The following NSUN3 variants were observed in gnomAD, a reference collection of about 807,000 sequenced individuals.
NSUN3 encodes tRNA (cytosine(34)-C(5))-methyltransferase, mitochondrial.
Under a neutral mutation model 36.8 loss-of-function variants are expected in NSUN3, and 24 were observed. That is an observed-to-expected ratio of 0.65 (90% CI 0.47 to 0.92). The LOEUF is 0.92. NSUN3 is among the 40% of genes least tolerant of loss of function. The pLI is 0.00. For synonymous variants in NSUN3, 146 were observed against 145.2 expected, an observed-to-expected ratio of 1.01 and a Z score of -0.04; for missense variants, 381 against 392.8, an observed-to-expected ratio of 0.97 and a Z score of 0.25.
chr3:94,116,407 A>T (rs2077440362), intron 5 of NSUN3, among the ~76,000 whole-genome samples: 1 of 152,176 alleles, frequency 6.6e-6, no homozygotes, highest in Non-Finnish European at 1.5e-5. Flanking sequence ...AGACACGCAG[A>T]TCAAAACATT....
At chr3:94,112,400 A>T (rs531328412) in intron 5 of NSUN3, among the ~76,000 whole-genome samples, 112 of 152,312 alleles carry the variant, frequency 7.4e-4, no homozygotes, top group African/African-American at 2.6e-3. Flanking sequence ...TCCACGTGGT[A>T]CCAAATTCAG....
intron 2 of NSUN3, chr3:94,076,443 C>G (rs1243381554): frequency 1.3e-6 from 1 of 790,350 alleles, no homozygotes; most frequent in African/African-American, 1.7e-5. Flanking sequence ...TGATCAGCAA[C>G]TGACCCAAAC....
chr3:94,066,322 G>A (rs1019635597), intron 2 of NSUN3, among the ~76,000 whole-genome samples: 2 of 152,158 alleles, frequency 1.3e-5, no homozygotes, highest in African/African-American at 2.4e-5. Context: ...CAAAATAAAG[G>A]TTTCTCAGCT....
intron 3 of NSUN3, among the ~76,000 whole-genome samples, chr3:94,091,984 T>A (rs1560034495): frequency 6.6e-6 from 1 of 152,232 alleles, no homozygotes; most frequent in Non-Finnish European, 1.5e-5. Flanking sequence ...CTTCTGCTAA[T>A]GCTACCACTG....
intron 5 of NSUN3, among the ~76,000 whole-genome samples, chr3:94,116,399 A>G (rs914288430): frequency 7.2e-5 from 11 of 152,198 alleles, no homozygotes; most frequent in Non-Finnish European, 1.2e-4. Context: ...TAAAATACAG[A>G]CACGCAGATC....
chr3:94,114,948 C>CT (rs149065865), intron 5 of NSUN3, among the ~76,000 whole-genome samples: 29 of 149,376 alleles, frequency 1.9e-4, no homozygotes, highest in African/African-American at 2.7e-4. Flanking sequence ...TGGTTTCTTT[C>CT]TTTTTTTTTT....
Position 94,084,121 on chromosome 3 carries a change from C to T in NSUN3, c.137C>T (p.Ser46Phe). 1 of 1,612,498 alleles carries T rather than the reference C, an allele frequency of 6.2e-7. No individual in the cohort carries two copies. The highest frequency in any genetic ancestry group is 8.5e-7 in the Non-Finnish European group (1 of 1,178,822). ...AWNTVREILTSPSCWQYAVLL... is the reference protein window; with the variant it reads ...AWNTVREILTFPSCWQYAVLL... Reference sequence around the variant, plus strand: ...TCTATTTCTAGGGAGATACTAACATCTCCATCATGCTGGCAATATGCTGTC... The same window carrying T: ...TCTATTTCTAGGGAGATACTAACATTTCCATCATGCTGGCAATATGCTGTC... The change falls in exon 3 of 6, where the codon TCT becomes TTT. Residue 46 changes from serine (S) to phenylalanine (F), a missense_variant. Physicochemically the swap from Ser to Phe is radical, Grantham distance 155. Coordinates refer to ENST00000314622, the MANE Select transcript of NSUN3 (RefSeq NM_022072.5).
At chr3:94,125,747 A>T (rs562363193) in intron 5 of NSUN3, among the ~76,000 whole-genome samples, 5 of 152,270 alleles carry the variant, frequency 3.3e-5, no homozygotes, top group Admixed American at 3.3e-4. Flanking sequence ...GTCTTCAAGG[A>T]TAAGTTAGAA....
intron 5 of NSUN3, among the ~76,000 whole-genome samples, chr3:94,111,961 A>G (rs181833768): frequency 4.7e-4 from 72 of 152,262 alleles, no homozygotes; most frequent in Non-Finnish European, 5.9e-5. Flanking sequence ...AGAGAGATTT[A>G]AGGAACTGGC....
intron 3 of NSUN3, among the ~76,000 whole-genome samples, chr3:94,092,919 CAAAAAAAAAAAAAAAAA>C (rs1161530879): frequency 8.1e-5 from 2 of 24,638 alleles, no homozygotes; most frequent in Non-Finnish European, 1.4e-4. Flanking sequence ...GACTGCATCT[CAAAAAAAAAAAAAAAAA>C]AAAAAAAAAG....
intron 2 of NSUN3, among the ~76,000 whole-genome samples, chr3:94,080,559 A>G (rs1033349364): frequency 7.9e-5 from 12 of 152,162 alleles, no homozygotes; most frequent in Admixed American, 5.2e-4. Flanking sequence ...GGTTTTATCT[A>G]TAAGTCCCTT....
chr3:94,084,063 G>A, intron 2 of NSUN3, 44 bp from the exon 3 acceptor site: 1 of 1,367,962 alleles, frequency 7.3e-7, no homozygotes, highest in Non-Finnish European at 1.0e-6. Flanking sequence ...GTATTGGTAT[G>A]TATCATATTA....
intron 2 of NSUN3, among the ~76,000 whole-genome samples, chr3:94,072,811 T>TA (rs532174779): frequency 1.4e-3 from 217 of 152,246 alleles, no homozygotes; most frequent in African/African-American, 4.8e-3. Context: ...CTCTTTTTTT[T>TA]TTATTATTAT....
At chr3:94,118,631 A>G (rs1232052967) in intron 5 of NSUN3, among the ~76,000 whole-genome samples, 1 of 152,136 alleles carries the variant, frequency 6.6e-6, no homozygotes, top group Non-Finnish European at 1.5e-5. Flanking sequence ...AATAGAGGAT[A>G]CTATACTATT....
At position 94,127,260 on chromosome 3, in the gene NSUN3, A is replaced by T. The variant is rs1368018144; in HGVS notation, c.*770A>T. The T allele has an allele frequency of 6.6e-6, 1 of 152,234 alleles. No homozygotes were observed. Among genetic ancestry groups the T allele is most frequent in the East Asian group, 1.9e-4 (1 of 5,200 alleles). The allele number at this position is 152,234 out of a possible 1,614,324, so 9.4% of individuals were successfully genotyped here. A position where few individuals can be genotyped will look rare whatever the true frequency, so the allele number is the denominator to read the frequency against. ...AAGTACTTGAGACAAAACCGGAATGATTAATAACTGCAATCACTGAACTAT... is the reference window on the plus strand; with the variant it reads ...AAGTACTTGAGACAAAACCGGAATGTTTAATAACTGCAATCACTGAACTAT... On this transcript the variant is annotated 3_prime_UTR_variant, in exon 6 of 6. Transcript: ENST00000314622.
rs777816623 is a variant in NSUN3 at position 94,126,259 on chromosome 3, A to T, written c.792A>T (p.Thr264=). 2 of 1,614,060 alleles carry T rather than the reference A, an allele frequency of 1.2e-6. No individual in the cohort carries two copies. Among genetic ancestry groups the T allele is most frequent in the African/African-American group, 1.3e-5 (1 of 74,936 alleles). The change falls in exon 6 of 6, where the codon ACA becomes ACT. Residue 264 remains threonine (T), a synonymous_variant. Coordinates refer to ENST00000314622, the MANE Select transcript of NSUN3 (RefSeq NM_022072.5). ...LRPGGILVYS[T]CTLSKAENQD... is the part of the protein sequence containing the mutation. ...CTGGAGGGATACTTGTATACTCTAC[A>T]TGCACGCTTTCCAAGGCAGAAAATC...
chr3:94,087,875 C>T (rs1465697599), intron 3 of NSUN3, among the ~76,000 whole-genome samples: 2 of 152,064 alleles, frequency 1.3e-5, no homozygotes, highest in Non-Finnish European at 2.9e-5. Context: ...CACTATGTTG[C>T]CCAGGCTGGC....
Position 94,084,284 on chromosome 3 carries a change from C to T in NSUN3, c.300C>T (p.Ile100=). 1 of 1,614,088 alleles carries T rather than the reference C, an allele frequency of 6.2e-7. No individual in the cohort carries two copies. Among genetic ancestry groups the T allele is most frequent in the Non-Finnish European group, 8.5e-7 (1 of 1,180,018 alleles). Reference sequence around the variant, plus strand: ...ACCTTAGCAGAACTCCGGGCCGAATCCCTTCAGAAAGACACCAAATTGGAA... The same window carrying T: ...ACCTTAGCAGAACTCCGGGCCGAATTCCTTCAGAAAGACACCAAATTGGAA... ...KCYLSRTPGR[I]PSERHQIGNL... The change falls in exon 3 of 6, where the codon ATC becomes ATT. Residue 100 remains isoleucine (I), a synonymous_variant. Coordinates refer to ENST00000314622, the MANE Select transcript of NSUN3 (RefSeq NM_022072.5).
intron 3 of NSUN3, among the ~76,000 whole-genome samples, chr3:94,091,226 A>G (rs1410822290): frequency 1.3e-5 from 2 of 152,226 alleles, no homozygotes; most frequent in East Asian, 3.9e-4. Context: ...TTTCAAAGGA[A>G]CGATGGACAG....
Sources: allele counts gnomAD v4.1 joint callset (sites outside exome capture counted in the v4.1 genomes callset), GRCh38; gene constraint gnomAD v4.1.1; transcripts MANE v1.5; gene names NCBI Gene and HGNC (gene_info 2026-07-23, HGNC 2026-07-21).